The following AGFG1 variants were observed in gnomAD, a reference collection of about 807,000 sequenced individuals.
The protein encoded by AGFG1 is ArfGAP with FG repeats 1.
In AGFG1, 10 loss-of-function variants were observed where a neutral mutation model predicts 60.6. That is an observed-to-expected ratio of 0.16 (90% confidence interval 0.10 to 0.28). The LOEUF is 0.28. Ranked by LOEUF, AGFG1 falls within the 10% of genes least tolerant of loss-of-function variation. The pLI is 1.00. For missense variants in AGFG1, 537 were observed against 676.5 expected (o/e 0.79, Z 2.29); for synonymous variants, 247 against 242.9 (o/e 1.02, Z -0.16).
chr2:227,551,356 GA>G (rs1692814657), intron 10 of AGFG1, among the ~76,000 whole-genome samples: 1 of 152,070 alleles, frequency 6.6e-6, no homozygotes, highest in Non-Finnish European at 1.5e-5. Context: ...GATTTAATAG[GA>G]AAATATCCTT....
chr2:227,551,242 T>A (rs1052209459), intron 10 of AGFG1, among the ~76,000 whole-genome samples: 2 of 152,226 alleles, frequency 1.3e-5, no homozygotes, highest in African/African-American at 4.8e-5. Context: ...TTCACACTAA[T>A]TTCGATAGCT....
chr2:227,556,557 T>G lies in AGFG1; in HGVS notation c.*2062T>G, dbSNP rs1213789036. 6.6e-6 allele frequency: 1 copy of G among 152,644 alleles called. No individual in the cohort carries two copies. The highest frequency in any genetic ancestry group is 1.5e-5 in the Non-Finnish European group (1 of 68,028). The allele number at this position is 152,644 out of a possible 1,614,324, so 9.5% of individuals were successfully genotyped here. ...AATTTCTGTTTTAGATTGTATCGGG[T>G]CCCAGTTGATTCATGTGTACAAAGT... On this transcript the variant is annotated 3_prime_UTR_variant, in exon 13 of 13. Transcript: ENST00000310078.
At chr2:227,488,597 G>A (rs1690707415) in intron 1 of AGFG1, among the ~76,000 whole-genome samples, 1 of 152,242 alleles carries the variant, frequency 6.6e-6, no homozygotes, top group Admixed American at 6.5e-5. Flanking sequence ...GTTGCAAAGT[G>A]AGAAGGAAGG....
Position 227,534,827 on chromosome 2 carries a change from G to C in AGFG1, c.1025-18G>C, listed in dbSNP as rs150399230. 6.2e-7 allele frequency: 1 copy of C among 1,605,922 alleles called. No individual in the cohort carries two copies. The highest frequency in any genetic ancestry group is 1.3e-5 in the African/African-American group (1 of 74,566). The stretch of plus-strand genomic sequence containing the variant: ...TAACTTTAAATTTTTGGTGTAACTT[G>C]ATTTTGTTCGTTCCCAGGTGGTGAT... On this transcript the variant is annotated intron_variant, in intron 7 of 12. Coordinates refer to ENST00000310078, the MANE Select transcript of AGFG1 (RefSeq NM_004504.5).
chr2:227,510,316 C>T (rs1263933133), intron 2 of AGFG1, among the ~76,000 whole-genome samples: 1 of 152,068 alleles, frequency 6.6e-6, no homozygotes, highest in South Asian at 2.1e-4. Context: ...GACACCTAAC[C>T]CTGGGGCTAG....
intron 2 of AGFG1, among the ~76,000 whole-genome samples, chr2:227,497,120 C>T (rs183592258): frequency 6.7e-4 from 102 of 152,098 alleles, no homozygotes; most frequent in Non-Finnish European, 1.2e-3. Context: ...TTGTGGGCCA[C>T]CTGTATTCTC....
At chr2:227,530,977 A>G in intron 5 of AGFG1, 114 bp from the exon 6 acceptor site, 1 of 976,746 alleles carries the variant, frequency 1.0e-6, no homozygotes, top group East Asian at 2.8e-5. Context: ...AATTCTCTAT[A>G]AAGTGAGTTT....
At chr2:227,501,776 G>A (rs1392746449) in intron 2 of AGFG1, among the ~76,000 whole-genome samples, 1 of 152,100 alleles carries the variant, frequency 6.6e-6, no homozygotes, top group East Asian at 1.9e-4. Flanking sequence ...TAGAGACGGA[G>A]TCTACTTCTG....
intron 11 of AGFG1, 44 bp from the exon 12 acceptor site, chr2:227,553,660 C>A: frequency 6.8e-7 from 1 of 1,464,452 alleles, no homozygotes; most frequent in Non-Finnish European, 9.6e-7. Flanking sequence ...ATCAGATTGT[C>A]TCTTGAAGGT....
At chr2:227,549,895 TAA>T (rs1235830113) in intron 10 of AGFG1, among the ~76,000 whole-genome samples, 1 of 152,350 alleles carries the variant, frequency 6.6e-6, no homozygotes, top group East Asian at 1.9e-4. Context: ...TGGTTGAAAT[TAA>T]AAGTCTTATT....
chr2:227,536,593 A>G (rs762627664), intron 8 of AGFG1, 32 bp from the exon 9 acceptor site: 6 of 1,595,412 alleles, frequency 3.8e-6, no homozygotes, highest in Non-Finnish European at 5.1e-6. Context: ...TTTTTAAGAA[A>G]AAAAATGAAC....
chr2:227,491,361 T>C (rs1690811436), intron 1 of AGFG1, among the ~76,000 whole-genome samples, 186 bp from the exon 2 acceptor site: 1 of 152,200 alleles, frequency 6.6e-6, no homozygotes, highest in Non-Finnish European at 1.5e-5. Flanking sequence ...TTAATGAGTC[T>C]AACCAAACCT....
intron 1 of AGFG1, among the ~76,000 whole-genome samples, chr2:227,489,678 G>A (rs2106166829): frequency 6.6e-6 from 1 of 152,194 alleles, no homozygotes; most frequent in South Asian, 2.1e-4. Context: ...TCCCTACTTT[G>A]AAATTCGAAA....
Position 227,533,631 on chromosome 2 carries a change from C to T in AGFG1, c.897C>T (p.Phe299=). 6.2e-7 allele frequency: 1 copy of T among 1,613,842 alleles called. No individual in the cohort carries two copies. The highest frequency in any genetic ancestry group is 8.5e-7 in the Non-Finnish European group (1 of 1,179,814). ...CCTCCAGTGCTGATTTTGGAACCTT[C>T]AATACTTCCCAGAGTCATCAAACAG... ...PKSSSADFGT[F]NTSQSHQTAS... is the part of the protein sequence containing the mutation. The change falls in exon 7 of 13, where the codon TTC becomes TTT. Residue 299 remains phenylalanine (F), a synonymous_variant. Coordinates refer to ENST00000310078, the MANE Select transcript of AGFG1 (RefSeq NM_004504.5).
intron 2 of AGFG1, among the ~76,000 whole-genome samples, chr2:227,492,889 A>G: frequency 6.6e-6 from 1 of 152,136 alleles, no homozygotes; most frequent in Non-Finnish European, 1.5e-5. Flanking sequence ...TACTTGTGTA[A>G]AGTTTACAAG....
rs1559186374 is a variant in AGFG1, at chr2:227,523,903, T to C, written c.518T>C (p.Leu173Ser). Residue 173 changes from leucine (L) to serine (S), a missense_variant, in exon 4 of 13, where the codon TTA becomes TCA. By Grantham distance (145) the Leu-to-Ser change is moderately radical. Coordinates refer to ENST00000310078, the MANE Select transcript of AGFG1 (RefSeq NM_004504.5). ...LLGDSAPTLH[L>S]NKGTPSQSPV... The stretch of plus-strand genomic sequence containing the variant: ...GGGGATTCTGCACCAACACTGCACT[T>C]AAATAAGGGCACACCTAGTCAGGTG... The C allele has an allele frequency of 6.2e-7, 1 of 1,613,698 alleles. No individual in the cohort carries two copies.
chr2:227,497,283 C>CT (rs935420562), intron 2 of AGFG1, among the ~76,000 whole-genome samples: 19 of 151,596 alleles, frequency 1.3e-4, no homozygotes, highest in Admixed American at 3.3e-4. Flanking sequence ...GTATAGAACT[C>CT]TTAACGTTTC....
intron 4 of AGFG1, among the ~76,000 whole-genome samples, chr2:227,524,232 A>G (rs1230794668): frequency 6.6e-6 from 1 of 152,122 alleles, no homozygotes; most frequent in Non-Finnish European, 1.5e-5. Context: ...GTGTTATACA[A>G]TTTGTAAAAC....
intron 2 of AGFG1, among the ~76,000 whole-genome samples, chr2:227,491,958 A>G (rs1690832196): frequency 6.6e-6 from 1 of 152,110 alleles, no homozygotes; most frequent in African/African-American, 2.4e-5. Context: ...AAAAAGAGGA[A>G]GAGAATTCAT....
Sources: allele counts gnomAD v4.1 joint callset (sites outside exome capture counted in the v4.1 genomes callset), GRCh38; gene constraint gnomAD v4.1.1; transcripts MANE v1.5; gene names NCBI Gene and HGNC (gene_info 2026-07-23, HGNC 2026-07-21).